DNAJC3: variants seen among roughly 807,000 people sequenced by gnomAD.
The protein encoded by DNAJC3 is DnaJ heat shock protein family (Hsp40) member C3.
Under a neutral mutation model 68.6 loss-of-function variants are expected in DNAJC3, and 38 were observed. That is an observed-to-expected ratio of 0.55 (90% confidence interval 0.43 to 0.73). The LOEUF is 0.73. Among genes scored for constraint, DNAJC3 ranks in the 30% least tolerant of loss-of-function variants. The pLI, the probability that DNAJC3 is intolerant of heterozygous loss-of-function variation, is 0.00. For missense variants in DNAJC3, 526 were observed against 591.9 expected (o/e 0.89, Z 1.16); for synonymous variants, 203 against 204.0 (o/e 1.00, Z 0.04).
chr13:95,685,447 AGGCTTATAGGT>A (rs1349443292), intron 1 of DNAJC3, among the ~76,000 whole-genome samples: 1 of 152,194 alleles, frequency 6.6e-6, no homozygotes, highest in Non-Finnish European at 1.5e-5. Context: ...TTGATTTTAT[AGGCTTATAGGT>A]GGAAGGGACT....
At chr13:95,718,679 G>A (rs1307271590) in intron 2 of DNAJC3, among the ~76,000 whole-genome samples, 1 of 152,180 alleles carries the variant, frequency 6.6e-6, no homozygotes, top group Non-Finnish European at 1.5e-5. Context: ...GGTATTACAG[G>A]CATGAGCCAC....
At chr13:95,760,635 T>TG in intron 6 of DNAJC3, 44 bp from the exon 7 acceptor site, 1 of 1,561,898 alleles carries the variant, frequency 6.4e-7, no homozygotes. Flanking sequence ...TACTCATTGA[T>TG]TGTTTTGACA....
intron 4 of DNAJC3, among the ~76,000 whole-genome samples, chr13:95,752,175 C>T (rs1566499367): frequency 6.6e-6 from 1 of 152,098 alleles, no homozygotes; most frequent in Non-Finnish European, 1.5e-5. Flanking sequence ...GTGTCTAGGA[C>T]AGTGGTTCTT....
Position 95,709,628 on chromosome 13 carries a change from C to G in DNAJC3, c.193+291C>G, listed in dbSNP as rs529169141. 2.9e-3 allele frequency among the ~76,000 whole-genome samples: 320 copies of G among 112,186 alleles called. 1 individual carries two copies. Among genetic ancestry groups the G allele is most frequent in the Admixed American group, 6.1e-3 (65 of 10,646 alleles). 73.6% of individuals were successfully genotyped at this position (112,186 alleles called of 152,430 possible). ...TCTCAGTGTATTATTTGGCTTCTGA[C>G]TTTTTTTTTTTTTTTTTTTTTTTGA... On this transcript the variant is annotated intron_variant, in intron 2 of 11. Transcript: ENST00000602402.
chr13:95,733,703 C>CTTTTTTTTTTTTTTTTT (rs146677839), intron 4 of DNAJC3, among the ~76,000 whole-genome samples: 1 of 102,966 alleles, frequency 9.7e-6, no homozygotes, highest in African/African-American at 3.7e-5. Flanking sequence ...CCTGGCCTGT[C>CTTTTTTTTTTTTTTTTT]TTTTTTTTTT....
At chr13:95,772,211 G>A (rs917085800) in intron 9 of DNAJC3, among the ~76,000 whole-genome samples, 1 of 152,128 alleles carries the variant, frequency 6.6e-6, no homozygotes, top group African/African-American at 2.4e-5. Context: ...AAGCAGAAAA[G>A]CATTCAGTGT....
intron 4 of DNAJC3, among the ~76,000 whole-genome samples, chr13:95,733,381 A>G (rs1881777313): frequency 6.6e-6 from 1 of 152,076 alleles, no homozygotes; most frequent in Non-Finnish European, 1.5e-5. Context: ...TTATTATTAT[A>G]TAATGACTTT....
Position 95,793,482 on chromosome 13 carries a change from C to CTTTTTTTTTTT in DNAJC3, c.*2467_*2477dup, listed in dbSNP as rs1002199198. 1.0e-5 allele frequency: 1 copy of CTTTTTTTTTTT among 96,222 alleles called. No homozygotes were observed. The highest frequency in any genetic ancestry group is 1.3e-4 in the Admixed American group (1 of 7,540). 6.0% of individuals were successfully genotyped at this position (96,222 alleles called of 1,614,324 possible). A position where few individuals can be genotyped will look rare whatever the true frequency, so the allele number is the denominator to read the frequency against. Reference sequence around the variant, plus strand: ...TTGGGGACTACAGGTGCCAGGTAACCTTTTTTTTTTTTTTTTTTTTTTTTT... The same window carrying CTTTTTTTTTTT: ...TTGGGGACTACAGGTGCCAGGTAACCTTTTTTTTTTTTTTTTTTTTTTTTTTTTTTTTTTTT... On this transcript the variant is annotated 3_prime_UTR_variant, in exon 12 of 12. Transcript: ENST00000602402.
intron 9 of DNAJC3, among the ~76,000 whole-genome samples, chr13:95,770,171 T>G (rs1883120049): frequency 2.0e-5 from 3 of 152,276 alleles, no homozygotes; most frequent in Middle Eastern, 3.4e-3. Flanking sequence ...CATAGATACA[T>G]GTTCATTTTG....
intron 1 of DNAJC3, among the ~76,000 whole-genome samples, chr13:95,691,616 G>A (rs982177083): frequency 2.6e-5 from 4 of 151,452 alleles, no homozygotes; most frequent in East Asian, 2.0e-4. Flanking sequence ...GACGATGGGC[G>A]GCCAGGCGGA....
intron 2 of DNAJC3, among the ~76,000 whole-genome samples, chr13:95,720,811 G>C (rs1881297315): frequency 1.3e-5 from 2 of 151,770 alleles, no homozygotes; most frequent in South Asian, 4.1e-4. Context: ...TTAAGAAAAA[G>C]AAGGTTTTTT....
At chr13:95,771,673 G>GA (rs1883162888) in intron 9 of DNAJC3, among the ~76,000 whole-genome samples, 1 of 152,136 alleles carries the variant, frequency 6.6e-6, no homozygotes, top group African/African-American at 2.4e-5. Flanking sequence ...TAGTCAGAAA[G>GA]AAGACTCAGA....
At chr13:95,745,256 T>G (rs1371755120) in intron 4 of DNAJC3, 1 of 152,246 alleles carries the variant, frequency 6.6e-6, no homozygotes, top group Non-Finnish European at 1.5e-5. Context: ...TGACAATTAT[T>G]TGAAGTTTCT....
intron 1 of DNAJC3, among the ~76,000 whole-genome samples, chr13:95,679,587 G>T (rs1251310847): frequency 6.6e-6 from 1 of 152,166 alleles, no homozygotes; most frequent in South Asian, 2.1e-4. Flanking sequence ...ATAGTTCTCT[G>T]AAAGGCAAAT....
chr13:95,757,509 G>A, intron 4 of DNAJC3, 135 bp from the exon 5 acceptor site: 1 of 890,388 alleles, frequency 1.1e-6, no homozygotes, highest in Non-Finnish European at 1.5e-6. Context: ...CATCAGACAA[G>A]CCAGTTTTTC....
At chr13:95,782,069 C>G (rs764458567) in intron 9 of DNAJC3, among the ~76,000 whole-genome samples, 1 of 152,194 alleles carries the variant, frequency 6.6e-6, no homozygotes, top group East Asian at 1.9e-4. Flanking sequence ...GTTTTCTGTT[C>G]CTGTGTTAGT....
At chr13:95,699,552 A>G (rs956620982) in intron 1 of DNAJC3, among the ~76,000 whole-genome samples, 3 of 152,170 alleles carry the variant, frequency 2.0e-5, no homozygotes, top group African/African-American at 7.2e-5. Flanking sequence ...TAACTGTGGA[A>G]AGCTTACCCT....
intron 4 of DNAJC3, among the ~76,000 whole-genome samples, chr13:95,757,374 C>G (rs1292098067): frequency 1.3e-5 from 2 of 152,222 alleles, no homozygotes; most frequent in African/African-American, 4.8e-5. Flanking sequence ...TCTGTCCTTT[C>G]ACGTGCCTAC....
At chr13:95,733,599 C>T (rs1840912678) in intron 4 of DNAJC3, among the ~76,000 whole-genome samples, 1 of 151,652 alleles carries the variant, frequency 6.6e-6, no homozygotes, top group South Asian at 2.1e-4. Flanking sequence ...GGGGTTTTGC[C>T]ATTTTGGCCA....
Sources: gnomAD v4.1 joint callset for allele counts (sites outside exome capture counted in the v4.1 genomes callset) on GRCh38, gnomAD v4.1.1 for gene constraint, MANE v1.5 for transcripts, NCBI Gene and HGNC (gene_info 2026-07-23, HGNC 2026-07-21) for gene names.